DPP9: variants seen among roughly 807,000 people sequenced by gnomAD.
The protein encoded by DPP9 is dipeptidyl peptidase 9.
A neutral mutation model predicts 110.7 loss-of-function variants in DPP9; 50 were observed. The ratio of observed to expected loss-of-function variants is 0.45; its 90% CI spans 0.36 to 0.57. The LOEUF (loss-of-function observed/expected upper bound fraction) is 0.57. Ranked by LOEUF, DPP9 falls within the 20% of genes least tolerant of loss-of-function variation. The probability of loss-of-function intolerance (pLI) is 0.00; values close to 1 mark genes in which losing one functional copy is unlikely to be tolerated. For synonymous variants in DPP9, 561 were observed against 514.4 expected, an observed-to-expected ratio of 1.09 and a Z score of -1.23; for missense variants, 1,022 against 1,217.9, an observed-to-expected ratio of 0.84 and a Z score of 2.39.
Position 4,695,532 on chromosome 19 carries a change from C to T in DPP9, c.1199G>A (p.Arg400Gln), listed in dbSNP as rs2091726175. The change falls in exon 12 of 22, where the codon CGG becomes CAG. Residue 400 changes from arginine (R) to glutamine (Q), a missense_variant. Arg to Gln is a conservative substitution (Grantham distance 43, BLOSUM62 1). Around this residue, in one of 3 missense-constraint regions of DPP9, gnomAD observed 810 missense variants for 920.6 expected, o/e 0.88. Transcript: ENST00000262960. The surrounding 1 kb of genome is among the most constrained non-coding windows in gnomAD (Gnocchi z 4.7). ...GKYAWAMFLD[R>Q]PQQWLQLVLL... is the part of the protein sequence containing the mutation. ...GACGAGCTGGAGCCACTGCTGGGGCCGGTCCAGGAACATGGCCCAGGCGCT... is the reference window on the plus strand; with the variant it reads ...GACGAGCTGGAGCCACTGCTGGGGCTGGTCCAGGAACATGGCCCAGGCGCT... The T allele has an allele frequency of 5.3e-6, 8 of 1,503,946 alleles. No individual in the cohort carries two copies. The highest frequency in any genetic ancestry group is 6.2e-6 in the Non-Finnish European group (7 of 1,128,540). 93.2% of individuals were successfully genotyped at this position (1,503,946 alleles called of 1,614,324 possible). A position where few individuals can be genotyped will look rare whatever the true frequency, so the allele number is the denominator to read the frequency against.
At chr19:4,717,689 A>T (rs1166243322) in intron 3 of DPP9, 1 of 152,266 alleles carries the variant, frequency 6.6e-6, no homozygotes, top group Non-Finnish European at 1.5e-5. Flanking sequence ...ACATCGCGAG[A>T]AACTTCCAGG....
In DPP9 at chr19:4,689,012, G is replaced by C. The variant is rs1043458056; in HGVS notation, c.1750-120C>G. The C allele has an allele frequency of 2.4e-4, 278 of 1,169,578 alleles. No individual in the cohort carries two copies. Among genetic ancestry groups the C allele is most frequent in the Non-Finnish European group, 2.8e-4 (259 of 924,002 alleles). 72.5% of individuals were successfully genotyped at this position (1,169,578 alleles called of 1,614,324 possible). A position where few individuals can be genotyped will look rare whatever the true frequency, so the allele number is the denominator to read the frequency against. ...CGCCCCCATCCCTCTGCCCCTGCCT[G>C]TCATGAAACCTCAAAGCTCCACCCG... On this transcript the variant is annotated intron_variant, in intron 15 of 21. Transcript: ENST00000262960. The surrounding 1 kb of genome is among the most constrained non-coding windows in gnomAD (Gnocchi z 7.0).
At chr19:4,722,428 T>C (rs1432125780) in intron 2 of DPP9, 71 bp downstream of exon 2, 8 of 694,264 alleles carry the variant, frequency 1.2e-5, no homozygotes, top group Non-Finnish European at 2.1e-5. Flanking sequence ...GTCTATATTC[T>C]AGAGCAGGCA....
Position 4,695,939 on chromosome 19 carries a change from T to C in DPP9, c.1176-384A>G, listed in dbSNP as rs1253122456. Among the ~76,000 whole-genome samples, 1 of 152,184 alleles carries C rather than the reference T, an allele frequency of 6.6e-6. No homozygotes were observed. Among genetic ancestry groups the C allele is most frequent in the East Asian group, 1.9e-4 (1 of 5,192 alleles). ...ATTTTTTGAGACAGAGTTTCACTCT[T>C]GTCCAGGCTGAAGTATAGTGGCACA... On this transcript the variant is annotated intron_variant, in intron 11 of 21. Coordinates refer to ENST00000262960, the MANE Select transcript of DPP9 (RefSeq NM_139159.5). The surrounding 1 kb of genome is among the most constrained non-coding windows in gnomAD (Gnocchi z 4.7).
At chr19:4,705,274 A>C in intron 5 of DPP9, among the ~76,000 whole-genome samples, 1 of 152,164 alleles carries the variant, frequency 6.6e-6, no homozygotes, top group Non-Finnish European at 1.5e-5. Flanking sequence ...CCCAGGCTGG[A>C]GTGCAATGGT....
chr19:4,684,744 C>T lies in DPP9; in HGVS notation c.2097G>A (p.Leu699=), dbSNP rs543099736. Residue 699 remains leucine, a synonymous_variant, in exon 18 of 22, where the codon CTG becomes CTA. Transcript: ENST00000262960. This position sits in a 1 kb window ranked among gnomAD's most constrained non-coding sequence, Gnocchi z 4.8. The stretch of plus-strand genomic sequence containing the variant: ...CGTCAATCACAACCACGGCGTAGCC[C>T]AGGGAGGCCAGTGTGTTGAGCCGCA... ...KYLRLNTLAS[L]GYAVVVIDGR... is the part of the protein sequence containing the mutation. The T allele has an allele frequency of 3.7e-5, 59 of 1,609,062 alleles. No individual in the cohort carries two copies. The East Asian group carries it at 1.0e-3, about 27-fold the overall frequency.
In DPP9 at chr19:4,705,292, C is replaced by T. The variant is rs561470732; in HGVS notation, c.426+566G>A. Among the ~76,000 whole-genome samples the T allele has an allele frequency of 5.1e-3, 778 of 152,298 alleles. 6 individuals carry two copies. The highest frequency in any genetic ancestry group is 6.8e-3 in the Middle Eastern group (2 of 294). On this transcript the variant is annotated intron_variant, in intron 5 of 21. Coordinates refer to ENST00000262960, the MANE Select transcript of DPP9 (RefSeq NM_139159.5). ...AGGCTGGAGTGCAATGGTGAGATCA[C>T]GGCTCACTGTAGCCTTGCCCTCCTG...
intron 19 of DPP9, chr19:4,683,146 C>T (rs944515207): frequency 4.1e-5 from 59 of 1,453,598 alleles, no homozygotes; most frequent in Admixed American, 1.3e-4. Flanking sequence ...CCCTGACTGC[C>T]GCCGGCCTGG....
Position 4,689,734 on chromosome 19 carries a change from C to A in DPP9, c.1597-12G>T, listed in dbSNP as rs1001206765. On this transcript the variant is annotated splice_polypyrimidine_tract_variant and intron_variant, in intron 14 of 21. Coordinates refer to ENST00000262960, the MANE Select transcript of DPP9 (RefSeq NM_139159.5). This position sits in a 1 kb window ranked among gnomAD's most constrained non-coding sequence, Gnocchi z 7.0. Reference sequence around the variant, plus strand: ...TCATTGACCCAGATCTGCAGGGGGACAGGGGATCCTCGTGATGCGTCCCAG... The same window carrying A: ...TCATTGACCCAGATCTGCAGGGGGAAAGGGGATCCTCGTGATGCGTCCCAG... The A allele has an allele frequency of 2.3e-5, 36 of 1,542,200 alleles. No homozygotes were observed. The African/African-American group carries it at 4.4e-4, about 19-fold the overall frequency.
rs747732145 is a variant in DPP9 at position 4,688,916 on chromosome 19, G to A, written c.1750-24C>T. 1.9e-5 allele frequency: 29 copies of A among 1,508,904 alleles called. No individual in the cohort carries two copies. In the African/African-American group the frequency reaches 3.1e-4, roughly 16 times the overall value. The allele number at this position is 1,508,904 out of a possible 1,614,324, so 93.5% of individuals were successfully genotyped here. A position where few individuals can be genotyped will look rare whatever the true frequency, so the allele number is the denominator to read the frequency against. On this transcript the variant is annotated intron_variant, in intron 15 of 21. Transcript: ENST00000262960. ...TTCTGGGGGTGGAATGGGGTGATGA[G>A]CTCCACGGGATGCCGCTGCGCCCTT...
At chr19:4,719,722 C>A (rs1427391842) in intron 3 of DPP9, 129 bp downstream of exon 3, 3 of 1,085,960 alleles carry the variant, frequency 2.8e-6, no homozygotes, top group South Asian at 1.4e-5. Context: ...ATAACCAGAA[C>A]AGTCTTGGGG....
chr19:4,692,663 G>A (rs2091430582), intron 13 of DPP9, among the ~76,000 whole-genome samples: 1 of 152,146 alleles, frequency 6.6e-6, no homozygotes, highest in Admixed American at 6.5e-5. Flanking sequence ...CTGTGCCCCT[G>A]GAGAGTGGCA....
intron 3 of DPP9, among the ~76,000 whole-genome samples, chr19:4,714,962 G>A (rs758973367): frequency 8.6e-5 from 13 of 151,054 alleles, no homozygotes; most frequent in South Asian, 2.1e-4. Context: ...CCTCCTGCTC[G>A]GAGTGCATTT....
At chr19:4,679,790 A>G in intron 21 of DPP9, 45 bp downstream of exon 21, 5 of 1,247,566 alleles carry the variant, frequency 4.0e-6, no homozygotes, top group Admixed American at 1.9e-5. Flanking sequence ...ACTCCCAGGG[A>G]TCTGTCGGCT....
chr19:4,681,284 A>G (rs1395985022), intron 20 of DPP9, among the ~76,000 whole-genome samples: 1 of 152,192 alleles, frequency 6.6e-6, no homozygotes, highest in Non-Finnish European at 1.5e-5. Context: ...GGCTGCTTTA[A>G]GGTGACTGTT....
rs751767933 is a variant in DPP9, at chr19:4,710,298, AG to A, written c.313+3782del. ...ATCTCAGCCTGGGACGTCGGGAGAC[AG>A]GAATTCTTGCTTTCCCTTTCGAGGG... is the stretch of plus-strand genomic sequence containing the variant. On this transcript the variant is annotated intron_variant, in intron 4 of 21. Coordinates refer to ENST00000262960, the MANE Select transcript of DPP9 (RefSeq NM_139159.5). This position sits in a 1 kb window ranked among gnomAD's most constrained non-coding sequence, Gnocchi z 5.6. 2.6e-5 allele frequency among the ~76,000 whole-genome samples: 4 copies of A among 152,316 alleles called. No individual in the cohort carries two copies. In the East Asian group the frequency reaches 7.7e-4, roughly 29 times the overall value.
In DPP9 at chr19:4,695,069, T is replaced by C; in HGVS notation, c.1354-246A>G. On this transcript the variant is annotated intron_variant, in intron 12 of 21. Coordinates refer to ENST00000262960, the MANE Select transcript of DPP9 (RefSeq NM_139159.5). This position sits in a 1 kb window ranked among gnomAD's most constrained non-coding sequence, Gnocchi z 4.7. ...TGGAGGCTGAGGTGGGAGGATCACT[T>C]AGGCCCAGGAGGTCAAGGCTGCAGT... is the stretch of plus-strand genomic sequence containing the variant. 3.4e-6 allele frequency: 2 copies of C among 596,306 alleles called. No individual in the cohort carries two copies. Among genetic ancestry groups the C allele is most frequent in the Non-Finnish European group, 5.9e-6 (2 of 338,480 alleles). The allele number at this position is 596,306 out of a possible 1,614,324, so 36.9% of individuals were successfully genotyped here.
Position 4,687,281 on chromosome 19 carries a change from A to G in DPP9, c.1885+1476T>C, listed in dbSNP as rs990489373. Among the ~76,000 whole-genome samples, 1 of 152,192 alleles carries G rather than the reference A, an allele frequency of 6.6e-6. No homozygotes were observed. The highest frequency in any genetic ancestry group is 2.4e-5 in the African/African-American group (1 of 41,448). On this transcript the variant is annotated intron_variant, in intron 16 of 21. Transcript: ENST00000262960. The surrounding 1 kb of genome is among the most constrained non-coding windows in gnomAD (Gnocchi z 4.7). ...CATATGCTGGAAATTCGTTGTGTTT[A>G]GAATGTTCTGGAAACCCACCAACAT...
intron 16 of DPP9, 64 bp downstream of exon 16, chr19:4,688,692 GC>G: frequency 7.4e-7 from 1 of 1,359,444 alleles, no homozygotes; most frequent in Non-Finnish European, 9.4e-7. Context: ...CCAGCATGGG[GC>G]CCTCGTCCCG....
Sources: gnomAD v4.1 joint callset for allele counts (sites outside exome capture counted in the v4.1 genomes callset) on GRCh38, gnomAD v4.1.1 for gene constraint, gnomAD v4.1.1 regional missense constraint, Gnocchi (gnomAD v3.1) non-coding constraint, MANE v1.5 for transcripts, NCBI Gene and HGNC (gene_info 2026-07-23, HGNC 2026-07-21) for gene names.